The following NRM variants were observed in gnomAD, a reference collection of about 807,000 sequenced individuals.
NRM encodes the protein nurim.
NRM carries 19 observed loss-of-function variants against 23.4 expected under a neutral mutation model. The ratio of observed to expected loss-of-function variants is 0.81; its 90% confidence interval spans 0.57 to 1.19. NRM has a LOEUF of 1.19. Ranked by LOEUF, NRM falls within the 50% of genes most tolerant of loss-of-function variation. NRM has a pLI of 0.00. For missense variants in NRM, 232 were observed against 329.7 expected, an observed-to-expected ratio of 0.70 and a Z score of 2.30; for synonymous variants, 140 against 143.5, an observed-to-expected ratio of 0.98 and a Z score of 0.17.
chr6:30,690,924 C>T lies in NRM; in HGVS notation c.51G>A (p.Leu17=). Residue 17 remains leucine, a synonymous_variant, in exon 1 of 4, where the codon CTG becomes CTA. Transcript: ENST00000376421. The surrounding 1 kb of genome is among the most constrained non-coding windows in gnomAD (Gnocchi z 5.5). ...LIPAALASFI[L]AFGTGVEFVR... is the part of the protein sequence containing the mutation. ...CGAACTCCACTCCGGTGCCAAAGGC[C>T]AGGATGAAAGAGGCGAGGGCAGCAG... 6.2e-7 allele frequency: 1 copy of T among 1,612,730 alleles called. No individual in the cohort carries two copies. The highest frequency in any genetic ancestry group is 1.3e-5 in the African/African-American group (1 of 74,940).
Position 30,689,238 on chromosome 6 carries a change from T to C in NRM, c.507+38A>G, listed in dbSNP as rs3094092. ...TGAAAGGGAACGAGGAGTTCTAAAATGGGTCAGAGGTCATAGGTAGGGATC... is the reference window on the plus strand; with the variant it reads ...TGAAAGGGAACGAGGAGTTCTAAAACGGGTCAGAGGTCATAGGTAGGGATC... On this transcript the variant is annotated intron_variant, in intron 3 of 3. Coordinates refer to ENST00000376421, the MANE Select transcript of NRM (RefSeq NM_001384369.1). The surrounding 1 kb of genome is among the most constrained non-coding windows in gnomAD (Gnocchi z 4.7). The C allele has an allele frequency of 0.92, 1,408,141 of 1,526,666 alleles. 650,122 individuals carry two copies. The highest frequency in any genetic ancestry group is 1 in the East Asian group (40,725 of 40,814). The allele number at this position is 1,526,666 out of a possible 1,614,324, so 94.6% of individuals were successfully genotyped here.
Position 30,688,887 on chromosome 6 carries a change from G to C in NRM, c.563C>G (p.Ala188Gly), listed in dbSNP as rs1771256979. The C allele has an allele frequency of 6.2e-7, 1 of 1,613,736 alleles. No homozygotes were observed. Among genetic ancestry groups the C allele is most frequent in the African/African-American group, 1.3e-5 (1 of 74,882 alleles). ...GCGCAGGTGGGAGAAGAGTCTGAGA[G>C]CCCGGGGAGACTTCAGGGCCAGAGG... ...GEPLALKSPR[A>G]LRLFSHLRHP... The change falls in exon 4 of 4, where the codon GCT becomes GGT. Residue 188 changes from alanine to glycine, a missense_variant. Ala to Gly is a moderately conservative substitution (Grantham distance 60). Coordinates refer to ENST00000376421, the MANE Select transcript of NRM (RefSeq NM_001384369.1). This position sits in a 1 kb window ranked among gnomAD's most constrained non-coding sequence, Gnocchi z 5.9.
rs759784114 is a variant in NRM at position 30,690,770 on chromosome 6, G to A, written c.133+72C>T. ...GACTTCCCCTGTCATTTGTTTCCAA[G>A]CCCCGCCCTCAATCCCTCTCCTACG... On this transcript the variant is annotated intron_variant, in intron 1 of 3. Transcript: ENST00000376421. The surrounding 1 kb of genome is among the most constrained non-coding windows in gnomAD (Gnocchi z 5.5). 2.5e-5 allele frequency: 40 copies of A among 1,611,726 alleles called. No homozygotes were observed. The highest frequency in any genetic ancestry group is 3.3e-5 in the Non-Finnish European group (39 of 1,179,328).
In NRM at chr6:30,689,296, C is replaced by A. The variant is rs1187371950; in HGVS notation, c.487G>T (p.Glu163Ter). Residue 163 changes from glutamate to a stop codon, truncating the protein, a stop_gained, in exon 3 of 4, where the codon GAG (glutamate) becomes TAG (stop). Transcript: ENST00000376421. LOFTEE classifies it high-confidence loss of function. This position sits in a 1 kb window ranked among gnomAD's most constrained non-coding sequence, Gnocchi z 4.7. ...FSILLVFDYA[E>*]LMGLKQVYYH... ...CTCACCTGTTTGAGGCCCATGAGCT[C>A]AGCATAGTCAAAGACGAGAAGGATG... is the stretch of plus-strand genomic sequence containing the variant. 6.4e-7 allele frequency: 1 copy of A among 1,554,412 alleles called. No individual in the cohort carries two copies. Among genetic ancestry groups the A allele is most frequent in the South Asian group, 1.2e-5 (1 of 84,214 alleles).
Position 30,690,465 on chromosome 6 carries a change from CA to C in NRM, c.134-223del. Reference sequence around the variant, plus strand: ...GGGGAAGAGGATTTATAGAACACCACATGTTAGGCAGTTGCAAAAAGCATGG... The same window carrying C: ...GGGGAAGAGGATTTATAGAACACCACTGTTAGGCAGTTGCAAAAAGCATGG... On this transcript the variant is annotated intron_variant, in intron 1 of 3. Coordinates refer to ENST00000376421, the MANE Select transcript of NRM (RefSeq NM_001384369.1). The surrounding 1 kb of genome is among the most constrained non-coding windows in gnomAD (Gnocchi z 5.5). The C allele has an allele frequency of 7.7e-7, 1 of 1,302,412 alleles. No individual in the cohort carries two copies. Among genetic ancestry groups the C allele is most frequent in the Non-Finnish European group, 1.0e-6 (1 of 955,422 alleles). 80.7% of individuals were successfully genotyped at this position (1,302,412 alleles called of 1,614,324 possible). A position where few individuals can be genotyped will look rare whatever the true frequency, so the allele number is the denominator to read the frequency against.
chr6:30,689,927 C>T lies in NRM; in HGVS notation c.330+120G>A. 2 of 934,396 alleles carry T rather than the reference C, an allele frequency of 2.1e-6. No individual in the cohort carries two copies. The highest frequency in any genetic ancestry group is 1.6e-5 in the South Asian group (1 of 60,780). The allele number at this position is 934,396 out of a possible 1,614,324, so 57.9% of individuals were successfully genotyped here. ...GAGGAATGGAAGCTGAGATTAGTTC[C>T]TCAATTCTCCTCCTGAACCCATATT... On this transcript the variant is annotated intron_variant, in intron 2 of 3. Transcript: ENST00000376421. This position sits in a 1 kb window ranked among gnomAD's most constrained non-coding sequence, Gnocchi z 4.7.
rs1472561117 is a variant in NRM at position 30,689,047 on chromosome 6, G to A, written c.508-105C>T. 2 of 1,304,874 alleles carry A rather than the reference G, an allele frequency of 1.5e-6. No individual in the cohort carries two copies. The highest frequency in any genetic ancestry group is 2.1e-6 in the Non-Finnish European group (2 of 968,402). The allele number at this position is 1,304,874 out of a possible 1,614,324, so 80.8% of individuals were successfully genotyped here. ...CCACCCTTCTAGAACTCAGGCCCAGGAACCCCCCTTCTGAGACTTGGATCC... is the reference window on the plus strand; with the variant it reads ...CCACCCTTCTAGAACTCAGGCCCAGAAACCCCCCTTCTGAGACTTGGATCC... On this transcript the variant is annotated intron_variant, in intron 3 of 3. Coordinates refer to ENST00000376421, the MANE Select transcript of NRM (RefSeq NM_001384369.1). The surrounding 1 kb of genome is among the most constrained non-coding windows in gnomAD (Gnocchi z 4.7).
In NRM at chr6:30,690,303, C is replaced by A; in HGVS notation, c.134-60G>T. 7.0e-7 allele frequency: 1 copy of A among 1,427,330 alleles called. No individual in the cohort carries two copies. The highest frequency in any genetic ancestry group is 9.4e-7 in the Non-Finnish European group (1 of 1,058,886). 88.4% of individuals were successfully genotyped at this position (1,427,330 alleles called of 1,614,324 possible). A position where few individuals can be genotyped will look rare whatever the true frequency, so the allele number is the denominator to read the frequency against. ...CGAAACAGTGGCAGAATGTTTCCCC[C>A]ACCCTCATCTCCTCTTGGATCCCCA... On this transcript the variant is annotated intron_variant, in intron 1 of 3. Coordinates refer to ENST00000376421, the MANE Select transcript of NRM (RefSeq NM_001384369.1). The surrounding 1 kb of genome is among the most constrained non-coding windows in gnomAD (Gnocchi z 5.5).
Position 30,690,688 on chromosome 6 carries a change from A to G in NRM, c.133+154T>C. On this transcript the variant is annotated intron_variant, in intron 1 of 3. Transcript: ENST00000376421. This position sits in a 1 kb window ranked among gnomAD's most constrained non-coding sequence, Gnocchi z 5.5. ...TCCTTGAGTTCCTAATTTAGAACTC[A>G]GGTCTCCCTCCCCTGTAGCTTCTCG... 3 of 1,609,688 alleles carry G rather than the reference A, an allele frequency of 1.9e-6. No homozygotes were observed. Among genetic ancestry groups the G allele is most frequent in the Non-Finnish European group, 2.5e-6 (3 of 1,178,634 alleles).
Position 30,690,751 on chromosome 6 carries a change from C to T in NRM, c.133+91G>A, listed in dbSNP as rs770476529. 3.1e-6 allele frequency: 5 copies of T among 1,611,652 alleles called. No individual in the cohort carries two copies. Among genetic ancestry groups the T allele is most frequent in the Non-Finnish European group, 4.2e-6 (5 of 1,179,370 alleles). ...GTTCGAGTTCCCTCTCTTGGACTTC[C>T]CCTGTCATTTGTTTCCAAGCCCCGC... On this transcript the variant is annotated intron_variant, in intron 1 of 3. Transcript: ENST00000376421. This position sits in a 1 kb window ranked among gnomAD's most constrained non-coding sequence, Gnocchi z 5.5.
rs1219305317 is a variant in NRM, at chr6:30,690,861, G to C, written c.114C>G (p.Ile38Met). Reference sequence around the variant, plus strand: ...GCTCACCCGGACCACCAGACTCCGGGATCCCTCCAAGAAGTGGCCGAAGGG... The same window carrying C: ...GCTCACCCGGACCACCAGACTCCGGCATCCCTCCAAGAAGTGGCCGAAGGG... ...FTSLRPLLGG[I>M]PESGGPDARQ... Residue 38 changes from isoleucine (I) to methionine (M), a missense_variant, in exon 1 of 4, where the codon ATC becomes ATG. Physicochemically the swap from Ile to Met is conservative, Grantham distance 10 (BLOSUM62 1). Coordinates refer to ENST00000376421, the MANE Select transcript of NRM (RefSeq NM_001384369.1). The surrounding 1 kb of genome is among the most constrained non-coding windows in gnomAD (Gnocchi z 5.5). 7 of 1,613,030 alleles carry C rather than the reference G, an allele frequency of 4.3e-6. No individual in the cohort carries two copies. Among genetic ancestry groups the C allele is most frequent in the Non-Finnish European group, 5.9e-6 (7 of 1,180,004 alleles).
chr6:30,691,090 C>A (rs970387176), upstream of NRM: 4 of 1,240,484 alleles, frequency 3.2e-6, no homozygotes, highest in Admixed American at 2.7e-5. Flanking sequence ...CTCCTGCACG[C>A]CACCGCCAGG....
Position 30,690,934 on chromosome 6 carries a change from G to A in NRM, c.41C>T (p.Ser14Phe). 2 of 1,612,858 alleles carry A rather than the reference G, an allele frequency of 1.2e-6. No individual in the cohort carries two copies. Among genetic ancestry groups the A allele is most frequent in the Non-Finnish European group, 1.7e-6 (2 of 1,179,906 alleles). ...ALLLIPAALASFILAFGTGVE... is the reference protein window; with the variant it reads ...ALLLIPAALAFFILAFGTGVE... ...TCCGGTGCCAAAGGCCAGGATGAAAGAGGCGAGGGCAGCAGGGATCAGGAG... is the reference window on the plus strand; with the variant it reads ...TCCGGTGCCAAAGGCCAGGATGAAAAAGGCGAGGGCAGCAGGGATCAGGAG... Residue 14 changes from serine to phenylalanine, a missense_variant, in exon 1 of 4, where the codon TCT becomes TTT. Physicochemically the swap from Ser to Phe is radical, Grantham distance 155 (BLOSUM62 -2). Coordinates refer to ENST00000376421, the MANE Select transcript of NRM (RefSeq NM_001384369.1). This position sits in a 1 kb window ranked among gnomAD's most constrained non-coding sequence, Gnocchi z 5.5.
At position 30,690,945 on chromosome 6, in the gene NRM, A is replaced by G; in HGVS notation, c.30T>C (p.Ala10=). MAPALLLIP[A]ALASFILAFG... The stretch of plus-strand genomic sequence containing the variant: ...AGGCCAGGATGAAAGAGGCGAGGGC[A>G]GCAGGGATCAGGAGCAGTGCAGGGG... Residue 10 remains alanine, a synonymous_variant, in exon 1 of 4, where the codon GCT becomes GCC. Coordinates refer to ENST00000376421, the MANE Select transcript of NRM (RefSeq NM_001384369.1). The surrounding 1 kb of genome is among the most constrained non-coding windows in gnomAD (Gnocchi z 5.5). The G allele has an allele frequency of 6.3e-7, 1 of 1,597,652 alleles. No individual in the cohort carries two copies. The highest frequency in any genetic ancestry group is 8.5e-7 in the Non-Finnish European group (1 of 1,170,710).
chr6:30,691,302 T>A, upstream of NRM: 1 of 291,582 alleles, frequency 3.4e-6, no homozygotes, highest in Non-Finnish European at 6.6e-6. Flanking sequence ...AAGTTACTGT[T>A]TTACCACAAA....
Position 30,690,643 on chromosome 6 carries a change from C to T in NRM, c.133+199G>A, listed in dbSNP as rs1771522274. 1.9e-6 allele frequency: 3 copies of T among 1,576,982 alleles called. No homozygotes were observed. The highest frequency in any genetic ancestry group is 1.7e-6 in the Non-Finnish European group (2 of 1,162,320). ...TTCGGCTCCCTCAGTCCTCACTCTC[C>T]CGCCTCTCCAAAACTCTAATCCTTG... On this transcript the variant is annotated intron_variant, in intron 1 of 3. Coordinates refer to ENST00000376421, the MANE Select transcript of NRM (RefSeq NM_001384369.1). The surrounding 1 kb of genome is among the most constrained non-coding windows in gnomAD (Gnocchi z 5.5).
In NRM at chr6:30,688,931, A is replaced by G. The variant is rs747795548; in HGVS notation, c.519T>C (p.His173=). ...CCAGAGGCTCGCCCAGCCCCAGCAC[A>G]TGGTAGTATACCTAAGAGAGGGAGA... is the stretch of plus-strand genomic sequence containing the variant. ...ELMGLKQVYY[H]VLGLGEPLAL... The change falls in exon 4 of 4, where the codon CAT becomes CAC. Residue 173 remains histidine (H), a synonymous_variant. Coordinates refer to ENST00000376421, the MANE Select transcript of NRM (RefSeq NM_001384369.1). This position sits in a 1 kb window ranked among gnomAD's most constrained non-coding sequence, Gnocchi z 5.9. 3.1e-6 allele frequency: 5 copies of G among 1,612,640 alleles called. No individual in the cohort carries two copies. The highest frequency in any genetic ancestry group is 4.2e-6 in the Non-Finnish European group (5 of 1,179,786).
rs934067901 is a variant in NRM at position 30,689,100 on chromosome 6, T to C, written c.508-158A>G. On this transcript the variant is annotated intron_variant, in intron 3 of 3. Coordinates refer to ENST00000376421, the MANE Select transcript of NRM (RefSeq NM_001384369.1). This position sits in a 1 kb window ranked among gnomAD's most constrained non-coding sequence, Gnocchi z 4.7. ...GATCCTGACTTCTGATCCATGTACC[T>C]TCCCCAGGCCCAGGAGGCCCATGCT... Among the ~76,000 whole-genome samples the C allele has an allele frequency of 6.6e-6, 1 of 152,148 alleles. No homozygotes were observed. The highest frequency in any genetic ancestry group is 1.5e-5 in the Non-Finnish European group (1 of 68,000).
In NRM at chr6:30,688,380, G is replaced by T; in HGVS notation, c.*281C>A. ...CAGATCCTTTCCTTCTCAGGAGGCT[G>T]TTGAGGGGGAGAGTGTCATGCTCTA... On this transcript the variant is annotated 3_prime_UTR_variant, in exon 4 of 4. Transcript: ENST00000376421. This position sits in a 1 kb window ranked among gnomAD's most constrained non-coding sequence, Gnocchi z 5.9. 1 of 532,946 alleles carries T rather than the reference G, an allele frequency of 1.9e-6. No individual in the cohort carries two copies. The highest frequency in any genetic ancestry group is 3.2e-5 in the East Asian group (1 of 31,712). 33.0% of individuals were successfully genotyped at this position (532,946 alleles called of 1,614,324 possible).
Sources: allele counts gnomAD v4.1 joint callset (sites outside exome capture counted in the v4.1 genomes callset), GRCh38; gene constraint gnomAD v4.1.1; non-coding constraint Gnocchi (gnomAD v3.1); transcripts MANE v1.5; gene names NCBI Gene and HGNC (gene_info 2026-07-23, HGNC 2026-07-21).